Variants in SLC25A46 observed in about 807,000 individuals in gnomAD.
SLC25A46 encodes the protein mitochondrial outer membrane protein SLC25A46.
A neutral mutation model predicts 44.6 loss-of-function variants in SLC25A46; 39 were observed. That is an observed-to-expected ratio of 0.87 (90% CI 0.68 to 1.14). The LOEUF (loss-of-function observed/expected upper bound fraction) is 1.14. SLC25A46 is among the 50% of genes most tolerant of loss of function. The probability of loss-of-function intolerance (pLI) is 0.00; values close to 1 mark genes in which losing one functional copy is unlikely to be tolerated. For missense variants in SLC25A46, 547 were observed against 522.7 expected, an observed-to-expected ratio of 1.05 and a Z score of -0.45; for synonymous variants, 202 against 185.8, an observed-to-expected ratio of 1.09 and a Z score of -0.71.
rs1800272331 is a variant in SLC25A46, at chr5:110,762,196, A to C, written c.*414A>C. Reference sequence around the variant, plus strand: ...TATCCTTAATACAGTGTAGTATATTAATGTCCTTAATACAATCAGGAGGTT... The same window carrying C: ...TATCCTTAATACAGTGTAGTATATTCATGTCCTTAATACAATCAGGAGGTT... On this transcript the variant is annotated 3_prime_UTR_variant, in exon 8 of 8. Coordinates refer to ENST00000355943, the MANE Select transcript of SLC25A46 (RefSeq NM_138773.4). 1 of 160,176 alleles carries C rather than the reference A, an allele frequency of 6.2e-6. No homozygotes were observed. Among genetic ancestry groups the C allele is most frequent in the African/African-American group, 2.4e-5 (1 of 41,444 alleles). The allele number at this position is 160,176 out of a possible 1,614,324, so 9.9% of individuals were successfully genotyped here.
At chr5:110,749,038 C>A (rs1429681071) in intron 5 of SLC25A46, among the ~76,000 whole-genome samples, 1 of 152,006 alleles carries the variant, frequency 6.6e-6, no homozygotes, top group African/African-American at 2.4e-5. Flanking sequence ...TGAGAAGGTT[C>A]TGAACTGTGG....
At position 110,764,813 on chromosome 5, in the gene SLC25A46, A is replaced by G. The variant is rs763974164; in HGVS notation, c.*3031A>G. The G allele has an allele frequency of 3.3e-5, 5 of 152,004 alleles. No individual in the cohort carries two copies. Among genetic ancestry groups the G allele is most frequent in the Non-Finnish European group, 7.4e-5 (5 of 67,956 alleles). The allele number at this position is 152,004 out of a possible 1,614,324, so 9.4% of individuals were successfully genotyped here. A position where few individuals can be genotyped will look rare whatever the true frequency, so the allele number is the denominator to read the frequency against. On this transcript the variant is annotated 3_prime_UTR_variant, in exon 8 of 8. Transcript: ENST00000355943. ...GGTTTGAATTATTTGCAAAATTTAT[A>G]TAAGCAAATAAGATCTCTTGGTAAC...
intron 5 of SLC25A46, 171 bp from the exon 6 acceptor site, chr5:110,755,294 T>C: frequency 4.3e-6 from 2 of 470,324 alleles, no homozygotes; most frequent in Non-Finnish European, 7.6e-6. Flanking sequence ...TCTCAAACCA[T>C]CACAGTTGTT....
At chr5:110,760,927 T>C (rs950272687) in intron 7 of SLC25A46, among the ~76,000 whole-genome samples, 2 of 152,064 alleles carry the variant, frequency 1.3e-5, no homozygotes, top group Admixed American at 6.6e-5. Flanking sequence ...TGCCTTTCCA[T>C]GTGAGTTCTA....
intron 3 of SLC25A46, chr5:110,745,498 C>G (rs1408601562): frequency 1.3e-5 from 2 of 152,344 alleles, no homozygotes; most frequent in Non-Finnish European, 2.9e-5. Flanking sequence ...CATGATCCGC[C>G]CGCCTCAGCC....
At chr5:110,738,819 A>C, upstream of SLC25A46, 4 of 522,880 alleles carry the variant, frequency 7.6e-6, no homozygotes, top group South Asian at 8.1e-5. Context: ...TCTTTCTGGA[A>C]TCTCTTTGGT....
chr5:110,754,123 G>C (rs1026598325), intron 5 of SLC25A46: 8 of 152,006 alleles, frequency 5.3e-5, no homozygotes, highest in African/African-American at 1.4e-4. Flanking sequence ...AGAAATCGGG[G>C]GTAGTTGCTC....
upstream of SLC25A46, chr5:110,738,927 T>C: frequency 7.1e-7 from 1 of 1,405,494 alleles, no homozygotes; most frequent in Non-Finnish European, 9.3e-7. Context: ...CTAGCAACCG[T>C]GCCCTTTAAT....
chr5:110,748,147 A>T lies in SLC25A46; in HGVS notation c.463-16A>T. Reference sequence around the variant, plus strand: ...GTAGGTATTAACAGAAATAACATGAATTTTGTTCAATTTAGGGACCTAGAG... The same window carrying T: ...GTAGGTATTAACAGAAATAACATGATTTTTGTTCAATTTAGGGACCTAGAG... On this transcript the variant is annotated splice_polypyrimidine_tract_variant and intron_variant, in intron 4 of 7. Coordinates refer to ENST00000355943, the MANE Select transcript of SLC25A46 (RefSeq NM_138773.4). The T allele has an allele frequency of 6.3e-7, 1 of 1,586,890 alleles. No homozygotes were observed. The highest frequency in any genetic ancestry group is 8.6e-7 in the Non-Finnish European group (1 of 1,156,256).
At position 110,739,217 on chromosome 5, in the gene SLC25A46, T is replaced by G. The variant is rs773525488; in HGVS notation, c.98T>G (p.Phe33Cys). 2.5e-6 allele frequency: 4 copies of G among 1,572,854 alleles called. No individual in the cohort carries two copies. The South Asian group carries it at 4.7e-5, about 18-fold the overall frequency. ...GFGGAFPARS[F>C]STGSDLGHWV... ...GGCGGCGCCTTCCCTGCAAGGTCCT[T>G]CAGCACCGGGTCGGACCTGGGCCAC... Residue 33 changes from phenylalanine (F) to cysteine (C), a missense_variant, in exon 1 of 8, where the codon TTC becomes TGC. Transcript: ENST00000355943.
At chr5:110,744,968 T>C (rs1383505099) in intron 3 of SLC25A46, among the ~76,000 whole-genome samples, 3 of 152,206 alleles carry the variant, frequency 2.0e-5, no homozygotes, top group East Asian at 1.9e-4. Flanking sequence ...TCAAGGATAT[T>C]ACTATATGAA....
chr5:110,743,345 G>A (rs1799736821), intron 2 of SLC25A46, among the ~76,000 whole-genome samples: 1 of 151,986 alleles, frequency 6.6e-6, no homozygotes, highest in Non-Finnish European at 1.5e-5. Flanking sequence ...TCTGCTGATA[G>A]GAATTCTGTT....
chr5:110,739,208 C>T lies in SLC25A46; in HGVS notation c.89C>T (p.Ala30Val), dbSNP rs868711975. Residue 30 changes from alanine (A) to valine (V), a missense_variant, in exon 1 of 8, where the codon GCA becomes GTA. Physicochemically the swap from Ala to Val is moderately conservative, Grantham distance 64. Transcript: ENST00000355943. ...DEQGFGGAFP[A>V]RSFSTGSDLG... is the part of the protein sequence containing the mutation. ...CAGGGCTTTGGCGGCGCCTTCCCTG[C>T]AAGGTCCTTCAGCACCGGGTCGGAC... The T allele has an allele frequency of 2.6e-6, 4 of 1,568,178 alleles. No individual in the cohort carries two copies. In the African/African-American group the frequency reaches 5.4e-5, roughly 21 times the overall value.
rs545480953 is a variant in SLC25A46, at chr5:110,743,702, T to C, written c.327-28T>C. The C allele has an allele frequency of 1.1e-5, 15 of 1,386,158 alleles. No individual in the cohort carries two copies. The African/African-American group carries it at 1.6e-4, about 15-fold the overall frequency. The allele number at this position is 1,386,158 out of a possible 1,614,324, so 85.9% of individuals were successfully genotyped here. A position where few individuals can be genotyped will look rare whatever the true frequency, so the allele number is the denominator to read the frequency against. On this transcript the variant is annotated intron_variant, in intron 2 of 7. Coordinates refer to ENST00000355943, the MANE Select transcript of SLC25A46 (RefSeq NM_138773.4). ...AATTTAATTTATCTCTATGTAGACA[T>C]ACATATACATAAATTATTTTTATAT...
intron 5 of SLC25A46, 96 bp downstream of exon 5, chr5:110,748,359 G>A: frequency 1.1e-6 from 1 of 921,930 alleles, no homozygotes; most frequent in South Asian, 1.4e-5. Context: ...TGGGTATATT[G>A]TGTGATGCTA....
rs1248860883 is a variant in SLC25A46 at position 110,739,031 on chromosome 5, G to GGCC, written c.-87_-85dup. On this transcript the variant is annotated 5_prime_UTR_variant, in exon 1 of 8. Transcript: ENST00000355943. ...CAGAATTTACCCCTGACGCGGCGGCGGCCGACGGGAAGCTGTGTGTGCTTA... is the reference window on the plus strand; with the variant it reads ...CAGAATTTACCCCTGACGCGGCGGCGGCCGCCGACGGGAAGCTGTGTGTGCTTA... 6.7e-7 allele frequency: 1 copy of GGCC among 1,488,096 alleles called. No homozygotes were observed. The highest frequency in any genetic ancestry group is 8.9e-7 in the Non-Finnish European group (1 of 1,127,998). The allele number at this position is 1,488,096 out of a possible 1,614,324, so 92.2% of individuals were successfully genotyped here.
rs1800260711 is a variant in SLC25A46 at position 110,761,826 on chromosome 5, A to T, written c.*44A>T. On this transcript the variant is annotated 3_prime_UTR_variant, in exon 8 of 8. Transcript: ENST00000355943. This position sits in a 1 kb window ranked among gnomAD's most constrained non-coding sequence, Gnocchi z 5.3. Reference sequence around the variant, plus strand: ...GAGTAGTCTGGAAGATATAATCTGGATAATTTGCTATGAAGTTATGAGGGA... The same window carrying T: ...GAGTAGTCTGGAAGATATAATCTGGTTAATTTGCTATGAAGTTATGAGGGA... 1 of 1,469,660 alleles carries T rather than the reference A, an allele frequency of 6.8e-7. No individual in the cohort carries two copies. Among genetic ancestry groups the T allele is most frequent in the South Asian group, 1.3e-5 (1 of 77,184 alleles). The allele number at this position is 1,469,660 out of a possible 1,614,324, so 91.0% of individuals were successfully genotyped here.
Position 110,762,680 on chromosome 5 carries a change from C to A in SLC25A46, c.*898C>A, listed in dbSNP as rs1580872030. 1 of 151,886 alleles carries A rather than the reference C, an allele frequency of 6.6e-6. No homozygotes were observed. Among genetic ancestry groups the A allele is most frequent in the Non-Finnish European group, 1.5e-5 (1 of 67,898 alleles). The allele number at this position is 151,886 out of a possible 1,614,324, so 9.4% of individuals were successfully genotyped here. The stretch of plus-strand genomic sequence containing the variant: ...GAATATAAAATAATCATGACAATTA[C>A]TACTGTTTCCACATTTACAAATTGT... On this transcript the variant is annotated 3_prime_UTR_variant, in exon 8 of 8. Coordinates refer to ENST00000355943, the MANE Select transcript of SLC25A46 (RefSeq NM_138773.4).
In SLC25A46 at chr5:110,746,358, G is replaced by T. The variant is rs762989005; in HGVS notation, c.462+12G>T. 2 of 1,553,482 alleles carry T rather than the reference G, an allele frequency of 1.3e-6. No individual in the cohort carries two copies. The highest frequency in any genetic ancestry group is 4.0e-5 in the Admixed American group (2 of 49,414). On this transcript the variant is annotated intron_variant, in intron 4 of 7. Transcript: ENST00000355943. ...TCAACAAAACTCAGGTGAGAATTTTGTCTGGATTCTATTAAAGGTTTATAT... is the reference window on the plus strand; with the variant it reads ...TCAACAAAACTCAGGTGAGAATTTTTTCTGGATTCTATTAAAGGTTTATAT...
Sources: gnomAD v4.1 joint callset for allele counts (sites outside exome capture counted in the v4.1 genomes callset) on GRCh38, gnomAD v4.1.1 for gene constraint, Gnocchi (gnomAD v3.1) non-coding constraint, MANE v1.5 for transcripts, NCBI Gene and HGNC (gene_info 2026-07-23, HGNC 2026-07-21) for gene names.